EMG1: variants seen among roughly 807,000 people sequenced by gnomAD.
The protein encoded by EMG1 is EMG1 N1-specific pseudouridine methyltransferase.
Under a neutral mutation model 26.9 loss-of-function variants are expected in EMG1, and 24 were observed. That is an observed-to-expected ratio of 0.89 (90% CI 0.65 to 1.26). EMG1 has a LOEUF of 1.26. EMG1 is among the 50% of genes most tolerant of loss of function. The pLI is 0.00. For synonymous variants in EMG1, 140 were observed against 112.6 expected, an observed-to-expected ratio of 1.24 and a Z score of -1.54; for missense variants, 299 against 307.6, an observed-to-expected ratio of 0.97 and a Z score of 0.21.
In EMG1 at chr12:6,979,262, G is replaced by A; in HGVS notation, c.*3453G>A. On this transcript the variant is annotated 3_prime_UTR_variant, in exon 6 of 6. Transcript: ENST00000599672. ...GGCAACGGGTGCTAAATGTGCACCTGGCACAGCCCTGTGCCCGCGAAGGTT... is the reference window on the plus strand; with the variant it reads ...GGCAACGGGTGCTAAATGTGCACCTAGCACAGCCCTGTGCCCGCGAAGGTT... 6.9e-6 allele frequency: 4 copies of A among 581,390 alleles called. No homozygotes were observed. The highest frequency in any genetic ancestry group is 1.2e-5 in the Non-Finnish European group (4 of 326,860). The allele number at this position is 581,390 out of a possible 1,614,324, so 36.0% of individuals were successfully genotyped here. A position where few individuals can be genotyped will look rare whatever the true frequency, so the allele number is the denominator to read the frequency against.
intron 5 of EMG1, 144 bp from the exon 6 acceptor site, chr12:6,975,542 AAGTCACAGTT>A: frequency 1.0e-6 from 1 of 970,912 alleles, no homozygotes; most frequent in Non-Finnish European, 1.6e-6. Flanking sequence ...CCATAATTGG[AAGTCACAGTT>A]AGGACCTTCT....
At chr12:6,996,532 T>C (rs987833200) in intron 7 of EMG1, among the ~76,000 whole-genome samples, 5 of 152,228 alleles carry the variant, frequency 3.3e-5, no homozygotes, top group Non-Finnish European at 7.3e-5. Flanking sequence ...CCCCAGTGCA[T>C]AGTACAGTTC....
intron 2 of EMG1, 54 bp downstream of exon 2, chr12:6,974,494 G>A: frequency 6.2e-7 from 1 of 1,607,778 alleles, no homozygotes; most frequent in Non-Finnish European, 8.5e-7. Context: ...GGAAGGGTTG[G>A]CAGCTGAGTG....
chr12:6,977,226 A>G lies in EMG1; in HGVS notation c.*1417A>G, dbSNP rs1555153355. 2.5e-6 allele frequency: 4 copies of G among 1,613,966 alleles called. No homozygotes were observed. ...GGCAATATGAATAGTAGGCTCAGGA[A>G]GAAGATGTGGCCAAGGAAATAGATG... On this transcript the variant is annotated 3_prime_UTR_variant, in exon 6 of 6. Transcript: ENST00000599672. This position sits in a 1 kb window ranked among gnomAD's most constrained non-coding sequence, Gnocchi z 4.5.
Position 6,978,278 on chromosome 12 carries a change from C to T in EMG1, c.*2469C>T. ...AGGGGTGACATGGTACACCCCTGCC[C>T]TCCAATCTGGGAAGACAGTGGAAGG... On this transcript the variant is annotated 3_prime_UTR_variant, in exon 6 of 6. Coordinates refer to ENST00000599672, the MANE Select transcript of EMG1 (RefSeq NM_006331.8). 3.9e-6 allele frequency: 6 copies of T among 1,545,072 alleles called. No individual in the cohort carries two copies. The highest frequency in any genetic ancestry group is 5.3e-6 in the Non-Finnish European group (6 of 1,142,018).
At chr12:6,988,051 A>G (rs1425188113) in intron 7 of EMG1, 2 of 191,798 alleles carry the variant, frequency 1.0e-5, no homozygotes, top group Middle Eastern at 1.2e-3. Context: ...TTAAAGGTGT[A>G]AAAAAAAAAA....
chr12:6,993,382 T>G (rs1049813150), intron 7 of EMG1, among the ~76,000 whole-genome samples: 3 of 150,792 alleles, frequency 2.0e-5, no homozygotes, highest in Non-Finnish European at 4.4e-5. Context: ...TGCAGTGAGC[T>G]GAGATTGCGC....
At chr12:6,996,755 T>C (rs2138348956) in intron 7 of EMG1, among the ~76,000 whole-genome samples, 1 of 152,368 alleles carries the variant, frequency 6.6e-6, no homozygotes, top group African/African-American at 2.4e-5. Context: ...TGCTAAGGGC[T>C]AACTGTATGG....
At chr12:6,996,124 G>A (rs1946634105) in intron 7 of EMG1, among the ~76,000 whole-genome samples, 1 of 151,922 alleles carries the variant, frequency 6.6e-6, no homozygotes, top group Non-Finnish European at 1.5e-5. Context: ...GGGCCCCACT[G>A]TCCTCTGACT....
intron 1 of EMG1, among the ~76,000 whole-genome samples, chr12:6,973,522 TTCTTTGATTA>T (rs1365220817): frequency 6.6e-6 from 1 of 151,984 alleles, no homozygotes; most frequent in African/African-American, 2.4e-5. Context: ...TCTGAGAGTT[TTCTTTGATTA>T]AACTGCCTCC....
intron 1 of EMG1, among the ~76,000 whole-genome samples, chr12:6,973,504 CT>C: frequency 6.6e-6 from 1 of 152,006 alleles, no homozygotes; most frequent in African/African-American, 2.4e-5. Flanking sequence ...ACCCCTCTTC[CT>C]TTTACTTCTG....
chr12:6,982,018 A>T (rs1186271627), downstream of EMG1: 1 of 658,050 alleles, frequency 1.5e-6, no homozygotes, highest in East Asian at 2.7e-5. Context: ...TAAAAGCCTT[A>T]ATAAATTCCT....
At position 6,978,445 on chromosome 12, in the gene EMG1, C is replaced by T; in HGVS notation, c.*2636C>T. ...CCTTCATGTTGGCACAGGCATCCCA[C>T]TTTGCCTTGCCCTTTTCTTCAAAGC... On this transcript the variant is annotated 3_prime_UTR_variant, in exon 6 of 6. Coordinates refer to ENST00000599672, the MANE Select transcript of EMG1 (RefSeq NM_006331.8). 1 of 1,614,186 alleles carries T rather than the reference C, an allele frequency of 6.2e-7. No individual in the cohort carries two copies. The highest frequency in any genetic ancestry group is 1.3e-5 in the African/African-American group (1 of 75,064).
In EMG1 at chr12:6,975,724, T is replaced by C. The variant is rs782527998; in HGVS notation, c.650T>C (p.Val217Ala). 3.3e-5 allele frequency: 53 copies of C among 1,612,778 alleles called. No homozygotes were observed. Among genetic ancestry groups the C allele is most frequent in the Non-Finnish European group, 4.4e-5 (52 of 1,178,840 alleles). The stretch of plus-strand genomic sequence containing the variant: ...AGTGTGGAGTATACAGAGAAGATGG[T>C]GTCCATCAGTAACTACCCCCTTTCT... ...KVSVEYTEKM[V>A]SISNYPLSAA... The change falls in exon 6 of 6, where the codon GTG (valine) becomes GCG (alanine). Residue 217 changes from valine (V) to alanine (A), a missense_variant. Transcript: ENST00000599672.
Position 6,978,124 on chromosome 12 carries a change from C to A in EMG1, c.*2315C>A. The A allele has an allele frequency of 1.7e-6, 1 of 593,818 alleles. No individual in the cohort carries two copies. Among genetic ancestry groups the A allele is most frequent in the South Asian group, 2.1e-5 (1 of 47,362 alleles). 36.8% of individuals were successfully genotyped at this position (593,818 alleles called of 1,614,324 possible). A position where few individuals can be genotyped will look rare whatever the true frequency, so the allele number is the denominator to read the frequency against. ...GGCAGAGCTGGAGTAACACCCAGGT[C>A]TTAACGCACTTTTATATCTTGCCTT... On this transcript the variant is annotated 3_prime_UTR_variant, in exon 6 of 6. Transcript: ENST00000599672.
rs1231747115 is a variant in EMG1 at position 6,987,630 on chromosome 12, T to A, written c.*155-152T>A. On this transcript the variant is annotated intron_variant and NMD_transcript_variant, in intron 6 of 7. Coordinates refer to the EMG1 transcript ENST00000261406. This position sits in a 1 kb window ranked among gnomAD's most constrained non-coding sequence, Gnocchi z 4.1. ...AAATAAAAAAATATAAAACAGTAGATAATTATCTAGAGCACTCATAAATAA... is the reference window on the plus strand; with the variant it reads ...AAATAAAAAAATATAAAACAGTAGAAAATTATCTAGAGCACTCATAAATAA... Among the ~76,000 whole-genome samples the A allele has an allele frequency of 6.6e-6, 1 of 152,258 alleles. No homozygotes were observed. The highest frequency in any genetic ancestry group is 1.5e-5 in the Non-Finnish European group (1 of 68,046).
At chr12:6,986,074 C>T (rs1946522908) in intron 6 of EMG1, among the ~76,000 whole-genome samples, 1 of 152,042 alleles carries the variant, frequency 6.6e-6, no homozygotes, top group African/African-American at 2.4e-5. Context: ...CACGCCCGGC[C>T]AACTGGTGTT....
chr12:6,990,567 T>TAAATA (rs1565601311), downstream of EMG1, among the ~76,000 whole-genome samples: 1 of 120,678 alleles, frequency 8.3e-6, no homozygotes. Context: ...ATAAATAAAT[T>TAAATA]GAGCACCCCA....
chr12:6,974,296 CAG>C (rs1160795641), intron 1 of EMG1, 41 bp from the exon 2 acceptor site: 1 of 1,446,034 alleles, frequency 6.9e-7, no homozygotes, highest in Non-Finnish European at 9.6e-7. Context: ...GGCTAGGTAA[CAG>C]AAGCTTATGC....
Sources: gnomAD v4.1 joint callset for allele counts (sites outside exome capture counted in the v4.1 genomes callset) on GRCh38, gnomAD v4.1.1 for gene constraint, Gnocchi (gnomAD v3.1) non-coding constraint, MANE v1.5 for transcripts, NCBI Gene and HGNC (gene_info 2026-07-23, HGNC 2026-07-21) for gene names.